Variants in CSGALNACT2 observed in about 807,000 individuals in gnomAD.
CSGALNACT2 encodes beta 4 GalNAcT-2.
A neutral mutation model predicts 55.3 loss-of-function variants in CSGALNACT2; 35 were observed. The ratio of observed to expected loss-of-function variants is 0.63; its 90% CI spans 0.48 to 0.84. CSGALNACT2 has a LOEUF of 0.84. CSGALNACT2 is among the 40% of genes least tolerant of loss of function. CSGALNACT2 has a pLI of 0.00. For missense variants in CSGALNACT2, 544 were observed against 657.5 expected (o/e 0.83, Z 1.89); for synonymous variants, 196 against 224.9 (o/e 0.87, Z 1.15).
At chr10:43,152,630 A>G (rs1305190780) in intron 1 of CSGALNACT2, among the ~76,000 whole-genome samples, 1 of 152,208 alleles carries the variant, frequency 6.6e-6, no homozygotes, top group Non-Finnish European at 1.5e-5. Flanking sequence ...TCTGAGTTAT[A>G]GCTCATAGTC....
chr10:43,179,594 C>T (rs1166607641), intron 7 of CSGALNACT2, among the ~76,000 whole-genome samples: 2 of 152,168 alleles, frequency 1.3e-5, no homozygotes, highest in Non-Finnish European at 1.5e-5. Flanking sequence ...TCCTATTAGA[C>T]TCCACTGACT....
chr10:43,152,495 A>G (rs529298402), intron 1 of CSGALNACT2, among the ~76,000 whole-genome samples: 2 of 152,312 alleles, frequency 1.3e-5, no homozygotes, highest in East Asian at 3.9e-4. Context: ...ATTAAGTAGG[A>G]TATCTCAAAA....
chr10:43,166,126 T>C (rs1839260140), intron 5 of CSGALNACT2, among the ~76,000 whole-genome samples: 1 of 152,222 alleles, frequency 6.6e-6, no homozygotes, highest in African/African-American at 2.4e-5. Context: ...GAAGGTTAGG[T>C]TTATTTTACA....
intron 1 of CSGALNACT2, among the ~76,000 whole-genome samples, chr10:43,142,509 T>C (rs909736724): frequency 3.3e-5 from 5 of 152,174 alleles, no homozygotes; most frequent in Non-Finnish European, 5.9e-5. Context: ...GCCCTATACT[T>C]TCTAATGCTT....
intron 5 of CSGALNACT2, 119 bp from the exon 6 acceptor site, chr10:43,166,885 A>T (rs1333290745): frequency 3.7e-5 from 21 of 569,040 alleles, no homozygotes; most frequent in Non-Finnish European, 5.9e-5. Flanking sequence ...TAGCCTGAAT[A>T]TTAAAAAATA....
At chr10:43,157,207 G>A (rs1339050088) in intron 2 of CSGALNACT2, among the ~76,000 whole-genome samples, 1 of 151,556 alleles carries the variant, frequency 6.6e-6, no homozygotes, top group African/African-American at 2.4e-5. Flanking sequence ...GAGGAAATAA[G>A]ATAACTAAGT....
chr10:43,162,815 T>A, intron 4 of CSGALNACT2: 1 of 926,732 alleles, frequency 1.1e-6, no homozygotes, highest in Non-Finnish European at 1.3e-6. Context: ...AGAGTTTGCT[T>A]CTCTAACATG....
At chr10:43,147,850 T>C (rs2133097816) in intron 1 of CSGALNACT2, among the ~76,000 whole-genome samples, 3 of 151,774 alleles carry the variant, frequency 2.0e-5, no homozygotes, top group Admixed American at 2.0e-4. Context: ...TCTCTAATTG[T>C]ATGGGTTATT....
At chr10:43,146,180 G>A (rs930193699) in intron 1 of CSGALNACT2, among the ~76,000 whole-genome samples, 1 of 152,184 alleles carries the variant, frequency 6.6e-6, no homozygotes, top group African/African-American at 2.4e-5. Context: ...GAAGCCAGTG[G>A]TGGATCAGTA....
chr10:43,138,743 T>G (rs1838552844), intron 1 of CSGALNACT2, among the ~76,000 whole-genome samples, 176 bp downstream of exon 1: 1 of 152,090 alleles, frequency 6.6e-6, no homozygotes, highest in African/African-American at 2.4e-5. Context: ...GCACCGGTTT[T>G]AGGGAAAGCG....
intron 4 of CSGALNACT2, chr10:43,162,174 A>C (rs777173386): frequency 1.9e-6 from 1 of 519,126 alleles, no homozygotes; most frequent in South Asian, 1.4e-5. Flanking sequence ...TTTTCTCTGC[A>C]TGTTGACTTC....
chr10:43,183,166 G>T, intron 7 of CSGALNACT2, 84 bp from the exon 8 acceptor site: 2 of 1,086,136 alleles, frequency 1.8e-6, no homozygotes, highest in South Asian at 1.4e-5. Flanking sequence ...CCCTTTTGAA[G>T]CAGAACATTT....
chr10:43,139,046 A>G (rs1489471520), intron 1 of CSGALNACT2, among the ~76,000 whole-genome samples: 1 of 152,180 alleles, frequency 6.6e-6, no homozygotes, highest in African/African-American at 2.4e-5. Context: ...TGAGCAACGC[A>G]GGAAGCACGA....
chr10:43,140,526 G>A (rs912516390), intron 1 of CSGALNACT2, among the ~76,000 whole-genome samples: 10 of 152,076 alleles, frequency 6.6e-5, no homozygotes, highest in African/African-American at 2.4e-4. Flanking sequence ...GTCTTCTGTC[G>A]GACTGTCATT....
intron 1 of CSGALNACT2, among the ~76,000 whole-genome samples, chr10:43,151,179 G>A (rs541508913): frequency 6.0e-4 from 92 of 152,102 alleles, no homozygotes; most frequent in South Asian, 1.5e-3. Context: ...TCATTGGTCA[G>A]TTTTAATTGT....
At chr10:43,140,618 G>A (rs1588886976) in intron 1 of CSGALNACT2, among the ~76,000 whole-genome samples, 1 of 152,194 alleles carries the variant, frequency 6.6e-6, no homozygotes, top group African/African-American at 2.4e-5. Context: ...CTTAAGAACT[G>A]TATTACTCAA....
chr10:43,160,596 G>C lies in CSGALNACT2; in HGVS notation c.980+1G>C. On this transcript the variant is annotated splice_donor_variant, in intron 4 of 7. Coordinates refer to ENST00000374466, the MANE Select transcript of CSGALNACT2 (RefSeq NM_018590.5). LOFTEE classifies it high-confidence loss of function. ...AGTCTATCCTAGAATCTGTCACCAG[G>C]TTGGTGAACCACATCTGCAGTGAAG... 2.8e-6 allele frequency: 4 copies of C among 1,415,648 alleles called. No individual in the cohort carries two copies. The highest frequency in any genetic ancestry group is 4.0e-6 in the Non-Finnish European group (4 of 1,000,460). The allele number at this position is 1,415,648 out of a possible 1,614,324, so 87.7% of individuals were successfully genotyped here. A position where few individuals can be genotyped will look rare whatever the true frequency, so the allele number is the denominator to read the frequency against.
intron 1 of CSGALNACT2, among the ~76,000 whole-genome samples, chr10:43,140,799 G>A (rs951320594): frequency 1.3e-5 from 2 of 152,208 alleles, no homozygotes; most frequent in East Asian, 3.8e-4. Flanking sequence ...TGAATTCACA[G>A]CAGGAGTACA....
rs1403173339 is a variant in CSGALNACT2, at chr10:43,184,791, G to A, written c.*1249G>A. ...TCTGTTACCATCAGGTCAATTCCTA[G>A]TATGCATAAATTTTTTAACCCTTTT... On this transcript the variant is annotated 3_prime_UTR_variant, in exon 8 of 8. Transcript: ENST00000374466. 6.6e-6 allele frequency: 1 copy of A among 152,116 alleles called. No homozygotes were observed. The highest frequency in any genetic ancestry group is 1.9e-4 in the East Asian group (1 of 5,202). 9.4% of individuals were successfully genotyped at this position (152,116 alleles called of 1,614,324 possible). A position where few individuals can be genotyped will look rare whatever the true frequency, so the allele number is the denominator to read the frequency against.
Sources: gnomAD v4.1 joint callset for allele counts (sites outside exome capture counted in the v4.1 genomes callset) on GRCh38, gnomAD v4.1.1 for gene constraint, MANE v1.5 for transcripts, NCBI Gene and HGNC (gene_info 2026-07-23, HGNC 2026-07-21) for gene names.